KLRG1: variants seen among roughly 807,000 people sequenced by gnomAD.
KLRG1 encodes the protein killer cell lectin like receptor G1.
Under a neutral mutation model 21.8 loss-of-function variants are expected in KLRG1, and 16 were observed. The ratio of observed to expected loss-of-function variants is 0.73; its 90% confidence interval spans 0.50 to 1.11. KLRG1 has a LOEUF of 1.11. KLRG1 is among the 50% of genes most tolerant of loss of function. The probability of loss-of-function intolerance (pLI) is 0.00; values close to 1 mark genes in which losing one functional copy is unlikely to be tolerated. For missense variants in KLRG1, 173 were observed against 218.3 expected, an observed-to-expected ratio of 0.79 and a Z score of 1.31; for synonymous variants, 69 against 75.9, an observed-to-expected ratio of 0.91 and a Z score of 0.47.
chr12:9,018,256 G>A, the KLRG1 span, among the ~76,000 whole-genome samples: 1 of 151,694 alleles, frequency 6.6e-6, no homozygotes, highest in Non-Finnish European at 1.5e-5. Context: ...AATAGAAAAA[G>A]TAATCCTAAA....
At chr12:9,128,782 T>C in the KLRG1 span, 1 of 152,168 alleles carries the variant, frequency 6.6e-6, no homozygotes, top group African/African-American at 2.4e-5. Flanking sequence ...GGGGGAAGAA[T>C]GCAATTAACT....
the KLRG1 span, chr12:9,067,834 C>A: frequency 6.2e-7 from 1 of 1,612,546 alleles, no homozygotes; most frequent in Non-Finnish European, 8.5e-7. Context: ...CAAGCATTTC[C>A]AAGATCTGTG....
the KLRG1 span, among the ~76,000 whole-genome samples, chr12:9,187,014 A>G: frequency 6.6e-6 from 1 of 151,886 alleles, no homozygotes; most frequent in Non-Finnish European, 1.5e-5. Flanking sequence ...AAAAAAAGAA[A>G]AAGAGAAAAG....
the KLRG1 span, among the ~76,000 whole-genome samples, chr12:9,125,854 C>T: frequency 9.2e-5 from 14 of 152,162 alleles, no homozygotes; most frequent in Admixed American, 2.0e-4. Flanking sequence ...CCTGCCTCAG[C>T]CTCCCAAGTA....
chr12:9,083,732 GA>G, the KLRG1 span, among the ~76,000 whole-genome samples: 4 of 142,974 alleles, frequency 2.8e-5, no homozygotes, highest in East Asian at 4.0e-4. Context: ...AAGCAATAAT[GA>G]AAAAAAAGAG....
At chr12:8,960,410 A>G (rs1294111010) in intron 1 of KLRG1, among the ~76,000 whole-genome samples, 2 of 152,220 alleles carry the variant, frequency 1.3e-5, no homozygotes, top group East Asian at 1.9e-4. Context: ...TCAAAGGAGT[A>G]GGCAGAACAA....
the KLRG1 span, among the ~76,000 whole-genome samples, chr12:9,194,695 A>G: frequency 6.6e-6 from 1 of 151,962 alleles, no homozygotes; most frequent in African/African-American, 2.4e-5. Context: ...CGATCGCCTG[A>G]CCTCGTGATC....
At chr12:9,206,829 A>G in the KLRG1 span, among the ~76,000 whole-genome samples, 1 of 152,168 alleles carries the variant, frequency 6.6e-6, no homozygotes, top group Non-Finnish European at 1.5e-5. Flanking sequence ...GCATGGTCCA[A>G]TGTAGTGTAG....
the KLRG1 span, chr12:9,077,281 C>T: frequency 7.1e-7 from 1 of 1,407,140 alleles, no homozygotes; most frequent in South Asian, 1.2e-5. Context: ...GTATTTCAGA[C>T]AGCAGGTCAG....
chr12:9,109,161 G>A, the KLRG1 span, among the ~76,000 whole-genome samples: 5 of 152,120 alleles, frequency 3.3e-5, no homozygotes, highest in African/African-American at 1.2e-4. Context: ...AATAAAAATA[G>A]AAAAGCAACA....
chr12:9,190,729 T>C, the KLRG1 span, among the ~76,000 whole-genome samples: 12 of 152,194 alleles, frequency 7.9e-5, no homozygotes, highest in East Asian at 1.7e-3. Context: ...AATAATAAAA[T>C]TTGAGAAGAT....
At chr12:9,031,697 A>G in the KLRG1 span, among the ~76,000 whole-genome samples, 1 of 152,210 alleles carries the variant, frequency 6.6e-6, no homozygotes, top group Non-Finnish European at 1.5e-5. Flanking sequence ...GCTTAGTTTT[A>G]TATATTTCAG....
chr12:8,953,380 C>T (rs1243530628), intron 1 of KLRG1, among the ~76,000 whole-genome samples: 2 of 152,104 alleles, frequency 1.3e-5, no homozygotes, highest in Non-Finnish European at 2.9e-5. Flanking sequence ...AGTGAAGACA[C>T]CACTCAAAGG....
chr12:9,188,487 A>G, the KLRG1 span, among the ~76,000 whole-genome samples: 1 of 152,006 alleles, frequency 6.6e-6, no homozygotes, highest in Non-Finnish European at 1.5e-5. Context: ...CTCTCTCACC[A>G]CTCCTATTGA....
At chr12:9,150,529 G>T in the KLRG1 span, 1 of 695,228 alleles carries the variant, frequency 1.4e-6, no homozygotes, top group Non-Finnish European at 2.4e-6. Flanking sequence ...GTACATCTTG[G>T]AGGAAAGAAA....
the KLRG1 span, chr12:9,157,320 C>T: frequency 1.2e-6 from 2 of 1,613,998 alleles, no homozygotes; most frequent in Non-Finnish European, 1.7e-6. Context: ...TCCAGGCTGA[C>T]TCCAGGCAGA....
the KLRG1 span, chr12:9,182,058 T>G: frequency 6.2e-7 from 1 of 1,613,924 alleles, no homozygotes; most frequent in African/African-American, 1.3e-5. Flanking sequence ...AAGATGAACA[T>G]TCGTGCAATG....
the KLRG1 span, chr12:9,074,425 T>C: frequency 2.4e-6 from 2 of 849,762 alleles, no homozygotes; most frequent in Non-Finnish European, 3.6e-6. Context: ...TCCATTATCC[T>C]TGGATACTGA....
intron 1 of KLRG1, among the ~76,000 whole-genome samples, chr12:8,982,249 A>G (rs1946766183): frequency 2.6e-5 from 4 of 152,226 alleles, no homozygotes. Context: ...CAGAAAACAG[A>G]GTTGTAACAA....
Sources: allele counts gnomAD v4.1 joint callset (sites outside exome capture counted in the v4.1 genomes callset), GRCh38; gene constraint gnomAD v4.1.1; transcripts MANE v1.5; gene names NCBI Gene and HGNC (gene_info 2026-07-23, HGNC 2026-07-21).